The following ATP6V0A1 variants were observed in gnomAD, a reference collection of about 807,000 sequenced individuals.
ATP6V0A1 encodes the protein ATPase H+ transporting V0 subunit a1, also known as V-type proton ATPase 116 kDa subunit a 1.
A neutral mutation model predicts 105.4 loss-of-function variants in ATP6V0A1; 43 were observed. The observed-to-expected ratio is 0.41, with a 90% CI of 0.32 to 0.53. The LOEUF (loss-of-function observed/expected upper bound fraction) is 0.53, where lower values mean the gene tolerates loss of function less well. Ranked by LOEUF, ATP6V0A1 falls within the 20% of genes least tolerant of loss-of-function variation. The pLI is 0.30. For synonymous variants in ATP6V0A1, 362 were observed against 372.8 expected (o/e 0.97, Z 0.33); for missense variants, 676 against 1,051.1 (o/e 0.64, Z 4.93).
intron 12 of ATP6V0A1, 189 bp from the exon 13 acceptor site, chr17:42,494,845 A>C (rs568061984): frequency 3.0e-4 from 182 of 598,674 alleles, no homozygotes; most frequent in Middle Eastern, 5.4e-4. Flanking sequence ...ACCTAATAAA[A>C]AAATAGAGGC....
rs745565784 is a variant in ATP6V0A1, at chr17:42,508,578, G to A, written c.2119G>A (p.Glu707Lys). Residue 707 changes from glutamate to lysine, a missense_variant, in exon 19 of 22, where the codon GAG becomes AAG. By Grantham distance (56) the Glu-to-Lys change is moderately conservative (BLOSUM62 1). Coordinates refer to ENST00000343619, the MANE Select transcript of ATP6V0A1 (RefSeq NM_001130021.3). The stretch of plus-strand genomic sequence containing the variant: ...GTAAATTTGTGTTTTCAAGCCTTCC[G>A]AGGACGAAGTGGTAAGATGAAAGCT... ...THSEDADEPS[E>K]DEVFDFGDTM... 11 of 1,613,828 alleles carry A rather than the reference G, an allele frequency of 6.8e-6. No homozygotes were observed. Among genetic ancestry groups the A allele is most frequent in the African/African-American group, 2.7e-5 (2 of 74,900 alleles).
Position 42,500,834 on chromosome 17 carries a change from G to A in ATP6V0A1, c.1807G>A (p.Glu603Lys). ...GACGGCCTATGATGCTCATACCTCTGAGAATGCACCAAGCCTTCTGATCCA... is the reference window on the plus strand; with the variant it reads ...GACGGCCTATGATGCTCATACCTCTAAGAATGCACCAAGCCTTCTGATCCA... ...KWTAYDAHTS[E>K]NAPSLLIHFI... Residue 603 changes from glutamate to lysine, a missense_variant, in exon 16 of 22, where the codon GAG becomes AAG. Physicochemically the swap from Glu to Lys is moderately conservative, Grantham distance 56. Around this residue, in one of 3 missense-constraint regions of ATP6V0A1, gnomAD observed 435 missense variants for 642.2 expected, o/e 0.68. Coordinates refer to ENST00000343619, the MANE Select transcript of ATP6V0A1 (RefSeq NM_001130021.3). 1 of 1,614,036 alleles carries A rather than the reference G, an allele frequency of 6.2e-7. No homozygotes were observed. Among genetic ancestry groups the A allele is most frequent in the Non-Finnish European group, 8.5e-7 (1 of 1,179,954 alleles).
chr17:42,480,025 A>G (rs2089292246), intron 7 of ATP6V0A1, among the ~76,000 whole-genome samples: 1 of 152,162 alleles, frequency 6.6e-6, no homozygotes, highest in Admixed American at 6.5e-5. Context: ...TTTGTTTGTT[A>G]TTATAAAAGC....
At chr17:42,470,277 C>T (rs772270436) in intron 5 of ATP6V0A1, 59 bp downstream of exon 5, 2 of 1,573,042 alleles carry the variant, frequency 1.3e-6, no homozygotes, top group South Asian at 2.3e-5. Context: ...CACAAGTGGG[C>T]CATATTTTTA....
At chr17:42,475,258 G>C (rs976295578) in intron 5 of ATP6V0A1, among the ~76,000 whole-genome samples, 3 of 152,200 alleles carry the variant, frequency 2.0e-5, no homozygotes, top group Non-Finnish European at 2.9e-5. Flanking sequence ...GCTTGAACTG[G>C]ATGTGCTATT....
intron 4 of ATP6V0A1, among the ~76,000 whole-genome samples, chr17:42,469,418 C>T (rs1394296851): frequency 2.0e-5 from 3 of 150,760 alleles, no homozygotes; most frequent in Non-Finnish European, 3.0e-5. Flanking sequence ...GCAACCTCCG[C>T]CTCCCGGGTT....
intron 17 of ATP6V0A1, among the ~76,000 whole-genome samples, chr17:42,503,380 A>G (rs2091825073): frequency 6.6e-6 from 1 of 152,182 alleles, no homozygotes; most frequent in Non-Finnish European, 1.5e-5. Context: ...TTTTTGTGAG[A>G]AACTCAGAAG....
At chr17:42,485,785 G>A (rs1423020204) in intron 9 of ATP6V0A1, among the ~76,000 whole-genome samples, 1 of 152,108 alleles carries the variant, frequency 6.6e-6, no homozygotes. Context: ...TGGAACTCTT[G>A]ACCTCAAACA....
chr17:42,492,413 G>A (rs532259414), intron 11 of ATP6V0A1, among the ~76,000 whole-genome samples: 16 of 150,776 alleles, frequency 1.1e-4, no homozygotes, highest in African/African-American at 3.7e-4. Context: ...TCCTTTAAGA[G>A]TTCATCGGCT....
chr17:42,464,892 T>C (rs1281294208), intron 2 of ATP6V0A1, among the ~76,000 whole-genome samples: 2 of 152,224 alleles, frequency 1.3e-5, no homozygotes, highest in Non-Finnish European at 2.9e-5. Context: ...ATATAGTTCT[T>C]TATTTGTGTT....
In ATP6V0A1 at chr17:42,505,315, C is replaced by T. The variant is rs146941365; in HGVS notation, c.2005-2205C>T. Reference sequence around the variant, plus strand: ...CCGCCTCCCCAGTTCAAGCAATTCTCCTGCCTCAGCTTCCTGAGTAGCTGG... The same window carrying T: ...CCGCCTCCCCAGTTCAAGCAATTCTTCTGCCTCAGCTTCCTGAGTAGCTGG... On this transcript the variant is annotated intron_variant, in intron 17 of 21. Transcript: ENST00000343619. 5.6e-3 allele frequency among the ~76,000 whole-genome samples: 858 copies of T among 152,354 alleles called. 6 individuals carry two copies. The highest frequency in any genetic ancestry group is 0.017 in the Middle Eastern group (5 of 294).
intron 5 of ATP6V0A1, among the ~76,000 whole-genome samples, chr17:42,473,330 AC>A (rs1262410107): frequency 1.3e-5 from 2 of 152,176 alleles, no homozygotes; most frequent in African/African-American, 4.8e-5. Context: ...CACTGCCCAG[AC>A]GTTATTGTAT....
intron 21 of ATP6V0A1, chr17:42,520,772 T>TTG: frequency 2.1e-6 from 1 of 486,802 alleles, no homozygotes. Flanking sequence ...CTGCAGAGAG[T>TTG]TGTGCATAAA....
rs1466647236 is a variant in ATP6V0A1, at chr17:42,495,713, T to A, written c.1557T>A (p.Asp519Glu). ...GTGGACCATACCCTTTTGGCATTGA[T>A]CCAGTAAGAGGACTTCCTTCCTATA... ...VFGGPYPFGI[D>E]PIWNIATNKL... is the part of the protein sequence containing the mutation. The change falls in exon 14 of 22, where the codon GAT becomes GAA. Residue 519 changes from aspartate (D) to glutamate (E), a missense_variant. By Grantham distance (45) the Asp-to-Glu change is conservative. Coordinates refer to ENST00000343619, the MANE Select transcript of ATP6V0A1 (RefSeq NM_001130021.3). The A allele has an allele frequency of 6.2e-7, 1 of 1,612,210 alleles. No individual in the cohort carries two copies. The highest frequency in any genetic ancestry group is 8.5e-7 in the Non-Finnish European group (1 of 1,178,238).
rs778251464 is a variant in ATP6V0A1, at chr17:42,487,139, C to T, written c.811-16C>T. 6.2e-6 allele frequency: 10 copies of T among 1,613,768 alleles called. No individual in the cohort carries two copies. In the South Asian group the frequency reaches 1.1e-4, roughly 18 times the overall value. On this transcript the variant is annotated splice_polypyrimidine_tract_variant and intron_variant, in intron 9 of 21. Transcript: ENST00000343619. ...GTGTTAAAAGGATCCCTCGCTTGTT[C>T]CTTTTCTCCCCAAAGGTTCTGAATC...
In ATP6V0A1 at chr17:42,507,545, G is replaced by A; in HGVS notation, c.2030G>A (p.Arg677Lys). 6 of 1,613,454 alleles carry A rather than the reference G, an allele frequency of 3.7e-6. No individual in the cohort carries two copies. Among genetic ancestry groups the A allele is most frequent in the Non-Finnish European group, 5.1e-6 (6 of 1,179,652 alleles). Residue 677 changes from arginine to lysine, a missense_variant, in exon 18 of 22, where the codon AGG (arginine) becomes AAG (lysine). Physicochemically the swap from Arg to Lys is conservative, Grantham distance 26. This residue lies in a region of ATP6V0A1 where 435 missense variants were observed against 642.2 expected (regional missense o/e 0.68). Transcript: ENST00000343619. ...GGAACTCTCAACTTTGGTGGGATCA[G>A]GGTGGGCAACGGACCGACAGAGGAG... ...HLGTLNFGGI[R>K]VGNGPTEEDA...
At position 42,495,035 on chromosome 17, in the gene ATP6V0A1, T is replaced by C. The variant is rs750180732; in HGVS notation, c.1316T>C (p.Met439Thr). 5 of 1,612,716 alleles carry C rather than the reference T, an allele frequency of 3.1e-6. No individual in the cohort carries two copies. In the Middle Eastern group the frequency reaches 6.6e-4, roughly 213 times the overall value. ...TTACTTCTTTCTTCTGGTTCCCAGA[T>C]GTTTAGCACTGTGTTCAGTGGTCGA... Reference protein sequence around the residue: ...RILSQKNENEMFSTVFSGRYI... With the variant: ...RILSQKNENETFSTVFSGRYI... Residue 439 changes from methionine (M) to threonine (T), a missense_variant and splice_region_variant, in exon 13 of 22, where the codon ATG becomes ACG. Met to Thr is a moderately conservative substitution (Grantham distance 81). Coordinates refer to ENST00000343619, the MANE Select transcript of ATP6V0A1 (RefSeq NM_001130021.3).
chr17:42,520,424 T>C (rs746045491), intron 21 of ATP6V0A1: 1 of 456,408 alleles, frequency 2.2e-6, no homozygotes, highest in South Asian at 1.5e-5. Context: ...GCTCAGGCTT[T>C]TTCTTTTTAG....
At chr17:42,501,146 T>C (rs1322451418) in intron 16 of ATP6V0A1, 51 bp from the exon 17 acceptor site, 4 of 1,466,748 alleles carry the variant, frequency 2.7e-6, no homozygotes, top group Admixed American at 3.6e-5. Flanking sequence ...ACTGCGTATG[T>C]GATCGGTAGA....
Sources: gnomAD v4.1 joint callset for allele counts (sites outside exome capture counted in the v4.1 genomes callset) on GRCh38, gnomAD v4.1.1 for gene constraint, gnomAD v4.1.1 regional missense constraint, MANE v1.5 for transcripts, NCBI Gene and HGNC (gene_info 2026-07-23, HGNC 2026-07-21) for gene names.